The following ST8SIA1 variants were observed in gnomAD, a reference collection of about 807,000 sequenced individuals.
ST8SIA1 encodes the protein ST8 alpha-N-acetyl-neuraminide alpha-2,8-sialyltransferase 1, also known as alpha-N-acetylneuraminide alpha-2,8-sialyltransferase.
ST8SIA1 carries 16 observed loss-of-function variants against 35.9 expected under a neutral mutation model. The ratio of observed to expected loss-of-function variants is 0.45; its 90% CI spans 0.30 to 0.68. The LOEUF (loss-of-function observed/expected upper bound fraction) is 0.68. Among genes scored for constraint, ST8SIA1 ranks in the 30% least tolerant of loss-of-function variants. ST8SIA1 has a pLI of 0.09. For synonymous variants in ST8SIA1, 170 were observed against 169.6 expected (o/e 1.00, Z -0.02); for missense variants, 383 against 453.6 (o/e 0.84, Z 1.41).
At chr12:22,238,547 G>A (rs1166139406) in intron 4 of ST8SIA1, among the ~76,000 whole-genome samples, 1 of 152,190 alleles carries the variant, frequency 6.6e-6, no homozygotes, top group Non-Finnish European at 1.5e-5. Flanking sequence ...GTTCAGCCTA[G>A]TTCTTCCTGA....
At position 22,226,503 on chromosome 12, in the gene ST8SIA1, C is replaced by CT. The variant is rs879840303; in HGVS notation, c.584+22502dup. Among the ~76,000 whole-genome samples, 917 of 147,028 alleles carry CT rather than the reference C, an allele frequency of 6.2e-3. 11 individuals carry two copies. Among genetic ancestry groups the CT allele is most frequent in the African/African-American group, 0.021 (842 of 40,328 alleles). On this transcript the variant is annotated intron_variant, in intron 4 of 4. Transcript: ENST00000396037. ...CTGGAAAGCCTTATGGCTGTTAAAA[C>CT]TTTTTTTTTTTTCCTTATTGGGTCT...
intron 2 of ST8SIA1, among the ~76,000 whole-genome samples, chr12:22,269,976 C>T (rs567239713): frequency 1.3e-5 from 2 of 152,288 alleles, no homozygotes; most frequent in South Asian, 2.1e-4. Flanking sequence ...AGTCTCCATC[C>T]GTTTCCAAGG....
chr12:22,258,012 G>A (rs1865746909), intron 2 of ST8SIA1, among the ~76,000 whole-genome samples: 1 of 151,814 alleles, frequency 6.6e-6, no homozygotes, highest in Non-Finnish European at 1.5e-5. Flanking sequence ...TCCAGAATAT[G>A]TCCAGAATCT....
chr12:22,278,668 G>T (rs899452111), intron 2 of ST8SIA1, among the ~76,000 whole-genome samples: 1 of 152,128 alleles, frequency 6.6e-6, no homozygotes, highest in Non-Finnish European at 1.5e-5. Flanking sequence ...CAGGTGAAGT[G>T]ATTATCAAAT....
intron 4 of ST8SIA1, among the ~76,000 whole-genome samples, chr12:22,247,208 T>G (rs899944764): frequency 3.3e-5 from 5 of 152,006 alleles, no homozygotes; most frequent in African/African-American, 4.8e-5. Flanking sequence ...TTTTAAATCT[T>G]ACATCAACTC....
chr12:22,274,056 A>G (rs1289497132), intron 2 of ST8SIA1, among the ~76,000 whole-genome samples: 2 of 152,238 alleles, frequency 1.3e-5, no homozygotes, highest in African/African-American at 4.8e-5. Context: ...TCTTCCAGGA[A>G]AATGGATAGC....
intron 2 of ST8SIA1, among the ~76,000 whole-genome samples, chr12:22,271,255 C>T (rs1168051461): frequency 6.6e-6 from 1 of 152,116 alleles, no homozygotes; most frequent in Non-Finnish European, 1.5e-5. Flanking sequence ...AATGCCAAGC[C>T]CACAGGAAGC....
At chr12:22,229,466 A>C (rs1338527714) in intron 4 of ST8SIA1, among the ~76,000 whole-genome samples, 2 of 152,104 alleles carry the variant, frequency 1.3e-5, no homozygotes, top group Non-Finnish European at 1.5e-5. Flanking sequence ...AAATCAAAAA[A>C]TTCACTGGGC....
intron 1 of ST8SIA1, among the ~76,000 whole-genome samples, chr12:22,308,887 CT>C (rs1466973376): frequency 1.3e-5 from 2 of 152,270 alleles, no homozygotes; most frequent in Non-Finnish European, 2.9e-5. Flanking sequence ...TAAAACAGCA[CT>C]TTTTCCTCCC....
chr12:22,253,453 C>G (rs528920680), intron 3 of ST8SIA1, among the ~76,000 whole-genome samples: 46 of 152,306 alleles, frequency 3.0e-4, no homozygotes, highest in African/African-American at 1.1e-3. Context: ...ATCTTTCCCA[C>G]CTTGGACTCT....
chr12:22,266,858 C>T (rs200619876), intron 2 of ST8SIA1, among the ~76,000 whole-genome samples: 8,134 of 149,428 alleles, frequency 0.054, 322 homozygotes, highest in East Asian at 0.15. Flanking sequence ...TACACACACA[C>T]ACACACACAC....
intron 1 of ST8SIA1, chr12:22,325,938 C>G (rs551041731): frequency 2.1e-5 from 14 of 679,750 alleles, no homozygotes; most frequent in Admixed American, 1.1e-4. Flanking sequence ...AGACGCTGAA[C>G]AAAGGGAAGA....
intron 4 of ST8SIA1, among the ~76,000 whole-genome samples, chr12:22,242,699 G>C (rs1865554332): frequency 2.0e-5 from 3 of 152,108 alleles, no homozygotes. Context: ...AATGTTTTAA[G>C]AACAAGGGCT....
chr12:22,252,614 C>T (rs1307154047), intron 3 of ST8SIA1, among the ~76,000 whole-genome samples: 1 of 152,184 alleles, frequency 6.6e-6, no homozygotes, highest in Admixed American at 6.5e-5. Context: ...CCTCATCTCC[C>T]CATATTTTAG....
At chr12:22,287,587 G>T (rs1866117217) in intron 1 of ST8SIA1, among the ~76,000 whole-genome samples, 1 of 151,926 alleles carries the variant, frequency 6.6e-6, no homozygotes, top group Admixed American at 6.5e-5. Context: ...AACCATTACA[G>T]TTGCAGATGT....
chr12:22,321,042 G>GA (rs1555162800), intron 1 of ST8SIA1, among the ~76,000 whole-genome samples: 1,512 of 48,522 alleles, frequency 0.031, 15 homozygotes, highest in South Asian at 0.045. Context: ...AAGAGAAAGA[G>GA]AAAGAAAAGA....
chr12:22,225,386 T>C (rs79135822), intron 4 of ST8SIA1, among the ~76,000 whole-genome samples: 1 of 152,096 alleles, frequency 6.6e-6, no homozygotes, highest in Non-Finnish European at 1.5e-5. Flanking sequence ...TGGATCCTAG[T>C]AGGCATGTGA....
At chr12:22,218,569 G>T (rs80288306) in intron 4 of ST8SIA1, among the ~76,000 whole-genome samples, 30,918 of 151,046 alleles carry the variant, frequency 0.2, 3,374 homozygotes, top group South Asian at 0.32. Flanking sequence ...AGTGGGCCGA[G>T]ATCATGCCAT....
intron 1 of ST8SIA1, among the ~76,000 whole-genome samples, chr12:22,299,849 A>G (rs1866296771): frequency 6.6e-6 from 1 of 152,092 alleles, no homozygotes; most frequent in Admixed American, 6.6e-5. Flanking sequence ...CAGCTCATAT[A>G]AGGTTTTTCC....
Sources: allele counts gnomAD v4.1 joint callset (sites outside exome capture counted in the v4.1 genomes callset), GRCh38; gene constraint gnomAD v4.1.1; transcripts MANE v1.5; gene names NCBI Gene and HGNC (gene_info 2026-07-23, HGNC 2026-07-21).